IMMT: variants seen among roughly 807,000 people sequenced by gnomAD.
IMMT encodes MICOS complex subunit MIC60.
IMMT carries 40 observed loss-of-function variants against 92.7 expected under a neutral mutation model. That is an observed-to-expected ratio of 0.43 (90% CI 0.34 to 0.56). The LOEUF (loss-of-function observed/expected upper bound fraction) is 0.56. IMMT is among the 20% of genes least tolerant of loss of function. The pLI is 0.03. For synonymous variants in IMMT, 322 were observed against 336.1 expected (o/e 0.96, Z 0.46); for missense variants, 831 against 912.1 (o/e 0.91, Z 1.14).
chr2:86,167,613 T>C (rs891122163), intron 6 of IMMT, among the ~76,000 whole-genome samples: 1 of 151,642 alleles, frequency 6.6e-6, no homozygotes, highest in African/African-American at 2.4e-5. Context: ...GCCTCCTGAG[T>C]AGCTGGGACT....
At chr2:86,160,433 C>T (rs1389362182) in intron 8 of IMMT, among the ~76,000 whole-genome samples, 7 of 152,156 alleles carry the variant, frequency 4.6e-5, no homozygotes, top group African/African-American at 1.4e-4. Context: ...TTAACTGGGT[C>T]TCAGGGAGCC....
chr2:86,147,982 A>C lies in IMMT; in HGVS notation c.1402-149T>G, dbSNP rs1369324913. 3.6e-5 allele frequency: 24 copies of C among 673,426 alleles called. 1 individual carries two copies. Among genetic ancestry groups the C allele is most frequent in the Non-Finnish European group, 3.2e-5 (13 of 412,576 alleles). The allele number at this position is 673,426 out of a possible 1,614,324, so 41.7% of individuals were successfully genotyped here. ...AGGCATGTGTACACTTCTACTTCTC[A>C]TGTGAAACGGAAAACTAAACCCTGG... On this transcript the variant is annotated intron_variant, in intron 12 of 14. Coordinates refer to ENST00000410111, the MANE Select transcript of IMMT (RefSeq NM_006839.3).
intron 6 of IMMT, among the ~76,000 whole-genome samples, chr2:86,170,213 G>A (rs1298499985): frequency 2.6e-5 from 4 of 152,190 alleles, no homozygotes; most frequent in Admixed American, 6.5e-5. Flanking sequence ...CCAGGAGTAC[G>A]AGACCAGTCT....
chr2:86,173,622 T>TTA, intron 4 of IMMT, 28 bp downstream of exon 4: 1 of 1,277,600 alleles, frequency 7.8e-7, no homozygotes, highest in Non-Finnish European at 1.1e-6. Context: ...ACCTATAATT[T>TTA]TAAAAAGATG....
chr2:86,171,283 C>T lies in IMMT; in HGVS notation c.484G>A (p.Ala162Thr), dbSNP rs1428315193. 6.2e-7 allele frequency: 1 copy of T among 1,610,092 alleles called. No homozygotes were observed. Among genetic ancestry groups the T allele is most frequent in the South Asian group, 1.1e-5 (1 of 90,306 alleles). Residue 162 changes from alanine to threonine, a missense_variant, in exon 5 of 15, where the codon GCA becomes ACA. Transcript: ENST00000410111. ...AGDTLSVPAPAVQPEESLKTD... is the reference protein window; with the variant it reads ...AGDTLSVPAPTVQPEESLKTD... ...TTTAAAGATTCCTCAGGCTGAACTGCAGGGGCTGGGACCGACAGGGTATCA... is the reference window on the plus strand; with the variant it reads ...TTTAAAGATTCCTCAGGCTGAACTGTAGGGGCTGGGACCGACAGGGTATCA...
In IMMT at chr2:86,179,565, A is replaced by T; in HGVS notation, c.177T>A (p.Gly59=). 2 of 1,610,444 alleles carry T rather than the reference A, an allele frequency of 1.2e-6. No homozygotes were observed. Among genetic ancestry groups the T allele is most frequent in the Non-Finnish European group, 1.7e-6 (2 of 1,178,938 alleles). The part of the protein sequence containing the change: ...AGLLFVGGGI[G]GTILYAKWDS... ...CCCATTTGGCATATAGGATAGTGCC[A>T]CCAATACCTCCACCAACAAACAAAA... The change falls in exon 3 of 15, where the codon GGT becomes GGA. Residue 59 remains glycine, a synonymous_variant. Transcript: ENST00000410111.
chr2:86,179,500 T>C lies in IMMT; in HGVS notation c.242A>G (p.Tyr81Cys). Residue 81 changes from tyrosine to cysteine, a missense_variant, in exon 3 of 15, where the codon TAC becomes TGC. Tyr to Cys is a radical substitution (Grantham distance 194). Transcript: ENST00000410111. ...FRESVEKTIP[Y>C]SDKLFEMVLG... ...AACCATCTCGAAGAGTTTGTCTGAG[T>C]AAGGTATGGTTTTCTCTACACTTTC... The C allele has an allele frequency of 6.2e-7, 1 of 1,613,452 alleles. No individual in the cohort carries two copies. The highest frequency in any genetic ancestry group is 8.5e-7 in the Non-Finnish European group (1 of 1,179,672).
intron 3 of IMMT, among the ~76,000 whole-genome samples, chr2:86,174,447 T>C (rs1677299506): frequency 6.6e-6 from 1 of 152,220 alleles, no homozygotes; most frequent in Non-Finnish European, 1.5e-5. Context: ...GTTCTGAACT[T>C]AGTCACTACC....
At chr2:86,177,092 G>A (rs768397966) in intron 3 of IMMT, among the ~76,000 whole-genome samples, 3 of 152,154 alleles carry the variant, frequency 2.0e-5, no homozygotes, top group Non-Finnish European at 4.4e-5. Context: ...TTTTCCAAAC[G>A]TTAACTTTTG....
chr2:86,154,129 GCTGGGATTACAGGCATGAGCCA>G (rs1017897994), intron 10 of IMMT, among the ~76,000 whole-genome samples: 1 of 151,698 alleles, frequency 6.6e-6, no homozygotes, highest in African/African-American at 2.4e-5. Flanking sequence ...CTCCCAAAGT[GCTGGGATTACAGGCATGAGCCA>G]CTGCACCCAG....
Position 86,144,451 on chromosome 2 carries a change from A to G in IMMT, c.2094T>C (p.Ile698=). ...CTGCTAGCTCCAGATCACCATGCTC[A>G]ATGCAATAGGAAGCATATGACAGTA... ...FKLLSYASYC[I]EHGDLELAAK... Residue 698 remains isoleucine (I), a synonymous_variant, in exon 15 of 15, where the codon ATT becomes ATC. Coordinates refer to ENST00000410111, the MANE Select transcript of IMMT (RefSeq NM_006839.3). 1.2e-6 allele frequency: 2 copies of G among 1,613,992 alleles called. No homozygotes were observed. Among genetic ancestry groups the G allele is most frequent in the Non-Finnish European group, 8.5e-7 (1 of 1,179,886 alleles).
chr2:86,164,689 C>CAA (rs56964046), intron 7 of IMMT, among the ~76,000 whole-genome samples: 6 of 111,418 alleles, frequency 5.4e-5, no homozygotes, highest in African/African-American at 1.1e-4. Flanking sequence ...GACTCTGTCT[C>CAA]AAAAAAAAAA....
At chr2:86,187,999 T>C (rs1293827790) in intron 1 of IMMT, among the ~76,000 whole-genome samples, 1 of 152,198 alleles carries the variant, frequency 6.6e-6, no homozygotes, top group African/African-American at 2.4e-5. Context: ...TAGCAATGTA[T>C]GAGGGTTCCA....
chr2:86,151,299 T>C lies in IMMT; in HGVS notation c.1399A>G (p.Lys467Glu). ...GCAACAATTCTCATTTCTCTTACCT[T>C]TCTGTCCTGTTCAGCCTGTATTTCA... ...RSEIQAEQDR[K>E]IEEVRDAMEN... Residue 467 changes from lysine (K) to glutamate (E), a missense_variant and splice_region_variant, in exon 12 of 15, where the codon AAG becomes GAG. Coordinates refer to ENST00000410111, the MANE Select transcript of IMMT (RefSeq NM_006839.3). The C allele has an allele frequency of 6.2e-7, 1 of 1,608,376 alleles. No individual in the cohort carries two copies. Among genetic ancestry groups the C allele is most frequent in the Non-Finnish European group, 8.5e-7 (1 of 1,175,434 alleles).
intron 1 of IMMT, among the ~76,000 whole-genome samples, chr2:86,192,703 T>C (rs1673223149): frequency 6.6e-6 from 1 of 152,144 alleles, no homozygotes; most frequent in African/African-American, 2.4e-5. Flanking sequence ...GATATAGTGA[T>C]ACAAGGAAGG....
chr2:86,167,534 G>C lies in IMMT; in HGVS notation c.656-890C>G, dbSNP rs574375522. Reference sequence around the variant, plus strand: ...GAGTCCCACTCTATCGCCCAGGCTAGAGTGCAGTGGCACCGTCTCAGTTCA... The same window carrying C: ...GAGTCCCACTCTATCGCCCAGGCTACAGTGCAGTGGCACCGTCTCAGTTCA... On this transcript the variant is annotated intron_variant, in intron 6 of 14. Transcript: ENST00000410111. 7.3e-5 allele frequency among the ~76,000 whole-genome samples: 10 copies of C among 137,082 alleles called. No homozygotes were observed. In the South Asian group the frequency reaches 2.3e-3, roughly 31 times the overall value. The allele number at this position is 137,082 out of a possible 152,430, so 89.9% of individuals were successfully genotyped here.
At chr2:86,154,176 C>CT (rs564650860) in intron 10 of IMMT, among the ~76,000 whole-genome samples, 61,588 of 136,040 alleles carry the variant, frequency 0.45, 14,058 homozygotes, top group Non-Finnish European at 0.52. Flanking sequence ...CTAAACATTT[C>CT]TTTTTTTTTT....
intron 8 of IMMT, among the ~76,000 whole-genome samples, chr2:86,161,035 C>A (rs1046866669): frequency 4.0e-5 from 6 of 149,078 alleles, no homozygotes; most frequent in African/African-American, 1.5e-4. Context: ...GAGGTTGAGG[C>A]TATAGTGAGC....
intron 4 of IMMT, 59 bp from the exon 5 acceptor site, chr2:86,171,404 A>T: frequency 6.7e-7 from 1 of 1,503,380 alleles, no homozygotes; most frequent in Non-Finnish European, 9.1e-7. Flanking sequence ...AGAAACACAC[A>T]GAAATTTACT....
Sources: gnomAD v4.1 joint callset for allele counts (sites outside exome capture counted in the v4.1 genomes callset) on GRCh38, gnomAD v4.1.1 for gene constraint, MANE v1.5 for transcripts, NCBI Gene and HGNC (gene_info 2026-07-23, HGNC 2026-07-21) for gene names.